GALNT9: variants seen among roughly 807,000 people sequenced by gnomAD.
The protein encoded by GALNT9 is GalNAc transferase 9.
Under a neutral mutation model 63.1 loss-of-function variants are expected in GALNT9, and 47 were observed. The ratio of observed to expected loss-of-function variants is 0.75; its 90% CI spans 0.59 to 0.95. The LOEUF (loss-of-function observed/expected upper bound fraction) is 0.95, where lower values mean the gene tolerates loss of function less well. Ranked by LOEUF, GALNT9 falls within the 40% of genes least tolerant of loss-of-function variation. The probability of loss-of-function intolerance (pLI) is 0.00; values close to 1 mark genes in which losing one functional copy is unlikely to be tolerated. For synonymous variants in GALNT9, 396 were observed against 365.7 expected, an observed-to-expected ratio of 1.08 and a Z score of -0.94; for missense variants, 829 against 874.8, an observed-to-expected ratio of 0.95 and a Z score of 0.66.
At chr12:132,311,508 C>A (rs975859338) in intron 1 of GALNT9, among the ~76,000 whole-genome samples, 2 of 152,212 alleles carry the variant, frequency 1.3e-5, no homozygotes, top group Non-Finnish European at 2.9e-5. Context: ...CGGGTTATGC[C>A]TGCAACTCAA....
chr12:132,237,099 G>A (rs2136895182), intron 6 of GALNT9, among the ~76,000 whole-genome samples: 4 of 152,162 alleles, frequency 2.6e-5, no homozygotes, highest in South Asian at 2.1e-4. Flanking sequence ...AGTGTGGAGC[G>A]GCCAGGTCTC....
intron 6 of GALNT9, among the ~76,000 whole-genome samples, chr12:132,226,351 C>A (rs903230196): frequency 6.6e-6 from 1 of 150,652 alleles, no homozygotes; most frequent in Non-Finnish European, 1.5e-5. Context: ...ATCCCTTATA[C>A]CCCATATACA....
At chr12:132,262,363 C>T in intron 3 of GALNT9, 96 bp downstream of exon 3, 1 of 1,441,494 alleles carries the variant, frequency 6.9e-7, no homozygotes, top group South Asian at 1.4e-5. Context: ...GTGCAGTCCT[C>T]TGTCGCTCTG....
intron 1 of GALNT9, among the ~76,000 whole-genome samples, chr12:132,312,525 C>T (rs1248782903): frequency 6.6e-6 from 1 of 152,224 alleles, no homozygotes; most frequent in East Asian, 1.9e-4. Context: ...CCTCCCCATG[C>T]CCACGCTGTC....
Position 132,319,486 on chromosome 12 carries a change from C to T in GALNT9, c.238+9480G>A, listed in dbSNP as rs1282743421. ...TCTGCACTCAGGCCAAAGGACCCCA[C>T]CCAGCTTCCCGGGCCTGCAGCTTGC... On this transcript the variant is annotated intron_variant, in intron 1 of 10. Transcript: ENST00000328957. This position sits in a 1 kb window ranked among gnomAD's most constrained non-coding sequence, Gnocchi z 5.2. Among the ~76,000 whole-genome samples the T allele has an allele frequency of 6.6e-6, 1 of 152,138 alleles. No individual in the cohort carries two copies. Among genetic ancestry groups the T allele is most frequent in the Non-Finnish European group, 1.5e-5 (1 of 68,002 alleles).
intron 5 of GALNT9, among the ~76,000 whole-genome samples, chr12:132,255,156 G>A (rs1879063551): frequency 6.6e-6 from 1 of 152,180 alleles, no homozygotes; most frequent in Admixed American, 6.5e-5. Flanking sequence ...CTCAGGTCCT[G>A]ATGGGAAGAG....
chr12:132,299,293 C>A (rs1593113046), intron 1 of GALNT9, among the ~76,000 whole-genome samples: 2 of 140,850 alleles, frequency 1.4e-5, no homozygotes, highest in Non-Finnish European at 3.1e-5. Context: ...CATAACTCAC[C>A]CACTCCCACC....
At chr12:132,314,515 C>T (rs1279154061) in intron 1 of GALNT9, among the ~76,000 whole-genome samples, 1 of 152,142 alleles carries the variant, frequency 6.6e-6, no homozygotes, top group South Asian at 2.1e-4. Flanking sequence ...GTGACTTGCC[C>T]GAGGTCACCC....
chr12:132,200,695 T>C (rs7961948), intron 8 of GALNT9: 76,177 of 163,276 alleles, frequency 0.47, 19,106 homozygotes, highest in Non-Finnish European at 0.56. Context: ...TGGATTTACG[T>C]ACCTGCCTGT....
At position 132,247,917 on chromosome 12, in the gene GALNT9, C is replaced by T; in HGVS notation, c.1070G>A (p.Gly357Asp). ...EVYGGENVEL[G>D]MRVWQCGGSM... is the part of the protein sequence containing the mutation. ...CACCGGGGCCGCACTCACCCTCATGCCCAGTTCTACGTTCTCGCCGCCATA... is the reference window on the plus strand; with the variant it reads ...CACCGGGGCCGCACTCACCCTCATGTCCAGTTCTACGTTCTCGCCGCCATA... The change falls in exon 6 of 11, where the codon GGC (glycine) becomes GAC (aspartate). Residue 357 changes from glycine (G) to aspartate (D), a missense_variant. Physicochemically the swap from Gly to Asp is moderately conservative, Grantham distance 94. Coordinates refer to ENST00000328957, the MANE Select transcript of GALNT9 (RefSeq NM_001122636.2). 3 of 1,551,418 alleles carry T rather than the reference C, an allele frequency of 1.9e-6. No homozygotes were observed. The highest frequency in any genetic ancestry group is 2.6e-6 in the Non-Finnish European group (3 of 1,146,998).
intron 1 of GALNT9, among the ~76,000 whole-genome samples, chr12:132,303,457 TCGCCCGGACA>T (rs1881401511): frequency 1.5e-5 from 2 of 129,332 alleles, no homozygotes; most frequent in African/African-American, 6.8e-5. Context: ...GGGCACACCC[TCGCCCGGACA>T]CACCCTCACC....
At chr12:132,288,539 A>G (rs982094908) in intron 1 of GALNT9, among the ~76,000 whole-genome samples, 1 of 152,266 alleles carries the variant, frequency 6.6e-6, no homozygotes, top group Non-Finnish European at 1.5e-5. Context: ...ACACCTCATC[A>G]TCCGTGGGGC....
intron 6 of GALNT9, among the ~76,000 whole-genome samples, chr12:132,229,849 G>A (rs1877827315): frequency 6.6e-6 from 1 of 152,240 alleles, no homozygotes; most frequent in Non-Finnish European, 1.5e-5. Flanking sequence ...GGAAGCCGGG[G>A]CTGTGAGAAG....
intron 6 of GALNT9, among the ~76,000 whole-genome samples, chr12:132,226,829 C>A (rs949887005): frequency 1.3e-5 from 2 of 150,134 alleles, no homozygotes; most frequent in Admixed American, 6.6e-5. Flanking sequence ...ATAAACACAC[C>A]CCACACACAC....
intron 4 of GALNT9, 125 bp from the exon 5 acceptor site, chr12:132,258,011 G>C (rs1879206214): frequency 2.9e-6 from 2 of 681,418 alleles, no homozygotes; most frequent in African/African-American, 1.8e-5. Context: ...GCCACCCCCT[G>C]CTGAGCTAGA....
chr12:132,202,967 C>T (rs188097176), intron 7 of GALNT9, among the ~76,000 whole-genome samples: 1,568 of 152,278 alleles, frequency 0.01, 99 homozygotes, highest in East Asian at 2.5e-3. Flanking sequence ...CGTCCATCCA[C>T]GGACGAGTGG....
At chr12:132,231,069 C>T (rs1383122207) in intron 6 of GALNT9, among the ~76,000 whole-genome samples, 28 of 118,592 alleles carry the variant, frequency 2.4e-4, no homozygotes, top group African/African-American at 8.1e-4. Context: ...TCCCTAGTGC[C>T]ACACACTCGA....
At chr12:132,320,915 G>T (rs918317924) in intron 1 of GALNT9, among the ~76,000 whole-genome samples, 2 of 152,240 alleles carry the variant, frequency 1.3e-5, no homozygotes, top group African/African-American at 2.4e-5. Context: ...CCAAGGTGCA[G>T]GGGTCGTGTG....
At chr12:132,262,394 C>A in intron 3 of GALNT9, 65 bp downstream of exon 3, 1 of 1,504,958 alleles carries the variant, frequency 6.6e-7, no homozygotes, top group Non-Finnish European at 8.9e-7. Flanking sequence ...CTCCACCCAA[C>A]CCCAACTCAA....
Sources: gnomAD v4.1 joint callset for allele counts (sites outside exome capture counted in the v4.1 genomes callset) on GRCh38, gnomAD v4.1.1 for gene constraint, Gnocchi (gnomAD v3.1) non-coding constraint, MANE v1.5 for transcripts, NCBI Gene and HGNC (gene_info 2026-07-23, HGNC 2026-07-21) for gene names.